Variants in NMBR observed in about 807,000 individuals in gnomAD.
NMBR encodes neuromedin B receptor.
NMBR carries 16 observed loss-of-function variants against 20.5 expected under a neutral mutation model. That is an observed-to-expected ratio of 0.78 (90% CI 0.53 to 1.19). NMBR has a LOEUF of 1.19. NMBR is among the 50% of genes most tolerant of loss of function. The pLI, the probability that NMBR is intolerant of heterozygous loss-of-function variation, is 0.00. For synonymous variants in NMBR, 212 were observed against 196.6 expected (o/e 1.08, Z -0.65); for missense variants, 582 against 499.1 (o/e 1.17, Z -1.58).
At chr6:142,145,394 A>C (rs190246716) in intron 1 of NMBR, among the ~76,000 whole-genome samples, 3 of 152,350 alleles carry the variant, frequency 2.0e-5, no homozygotes, top group African/African-American at 7.2e-5. Context: ...CTCTGAAACC[A>C]AAATACCTAG....
chr6:142,084,171 G>C (rs917978247), intron 2 of NMBR, among the ~76,000 whole-genome samples: 2 of 152,222 alleles, frequency 1.3e-5, no homozygotes, highest in Admixed American at 1.3e-4. Flanking sequence ...GAAGCCTAGT[G>C]AGTGTTAGAC....
chr6:142,104,435 T>A (rs1777620918), intron 1 of NMBR, among the ~76,000 whole-genome samples: 1 of 152,208 alleles, frequency 6.6e-6, no homozygotes, highest in African/African-American at 2.4e-5. Flanking sequence ...CGCCTTTGGA[T>A]GCTTTAGGGG....
At chr6:142,142,943 G>C (rs1362991346) in intron 1 of NMBR, among the ~76,000 whole-genome samples, 2 of 152,046 alleles carry the variant, frequency 1.3e-5, no homozygotes, top group African/African-American at 4.8e-5. Context: ...AAATTAGCCA[G>C]GCATGGTGGT....
At chr6:142,094,648 C>T (rs1416553374) in intron 1 of NMBR, among the ~76,000 whole-genome samples, 1 of 151,996 alleles carries the variant, frequency 6.6e-6, no homozygotes, top group Non-Finnish European at 1.5e-5. Flanking sequence ...TTTTTTGGTT[C>T]CATATGAACT....
chr6:142,130,284 A>T (rs1778116425), intron 1 of NMBR, among the ~76,000 whole-genome samples: 1 of 152,140 alleles, frequency 6.6e-6, no homozygotes, highest in Non-Finnish European at 1.5e-5. Flanking sequence ...AAATATAGAG[A>T]GGTCAGGACT....
At chr6:142,116,061 C>T (rs1777847511) in intron 1 of NMBR, among the ~76,000 whole-genome samples, 1 of 151,864 alleles carries the variant, frequency 6.6e-6, no homozygotes, top group African/African-American at 2.4e-5. Context: ...CACAAGCTCT[C>T]TTTTTTTACC....
At chr6:142,095,582 G>A (rs1777433888) in intron 1 of NMBR, among the ~76,000 whole-genome samples, 1 of 152,114 alleles carries the variant, frequency 6.6e-6, no homozygotes, top group African/African-American at 2.4e-5. Context: ...TTTTTGCATT[G>A]ATGTTCCTCA....
rs180771960 is a variant in NMBR, at chr6:142,137,452, T to C, written c.-664+9592A>G. 2.3e-3 allele frequency among the ~76,000 whole-genome samples: 343 copies of C among 152,328 alleles called. 8 individuals carry two copies. Among genetic ancestry groups the C allele is most frequent in the Admixed American group, 0.022 (342 of 15,298 alleles). The stretch of plus-strand genomic sequence containing the variant: ...CATGTAATCTGCAAAAAGGGACAAT[T>C]TGACTTCCTCTTTTCCTAATTGAAT... On this transcript the variant is annotated intron_variant, in intron 1 of 3. Coordinates refer to ENST00000258042, the MANE Select transcript of NMBR (RefSeq NM_002511.4).
At chr6:142,108,908 A>T (rs1582850876) in intron 1 of NMBR, among the ~76,000 whole-genome samples, 1 of 152,176 alleles carries the variant, frequency 6.6e-6, no homozygotes, top group East Asian at 1.9e-4. Flanking sequence ...GTAAAATCAA[A>T]AGCAAGTTAC....
Position 142,075,837 on chromosome 6 carries a change from A to C in NMBR, c.984T>G (p.Ser328Arg). 3 of 1,614,050 alleles carry C rather than the reference A, an allele frequency of 1.9e-6. No individual in the cohort carries two copies. Among genetic ancestry groups the C allele is most frequent in the Non-Finnish European group, 2.5e-6 (3 of 1,179,960 alleles). ...CVNPFALYLL[S>R]ESFRRHFNSQ... ...TGTTGAAATGCCTCCTGAAGCTTTCACTGAGTAGGTAAAGAGCAAATGGGT... is the reference window on the plus strand; with the variant it reads ...TGTTGAAATGCCTCCTGAAGCTTTCCCTGAGTAGGTAAAGAGCAAATGGGT... Residue 328 changes from serine (S) to arginine (R), a missense_variant, in exon 4 of 4, where the codon AGT becomes AGG. Ser to Arg is a moderately radical substitution (Grantham distance 110, BLOSUM62 -1). Coordinates refer to ENST00000258042, the MANE Select transcript of NMBR (RefSeq NM_002511.4).
rs774318101 is a variant in NMBR, at chr6:142,088,798, A to G, written c.-140T>C. The G allele has an allele frequency of 4.4e-5, 32 of 725,892 alleles. No individual in the cohort carries two copies. The highest frequency in any genetic ancestry group is 7.1e-5 in the Non-Finnish European group (32 of 450,008). 45.0% of individuals were successfully genotyped at this position (725,892 alleles called of 1,614,324 possible). On this transcript the variant is annotated 5_prime_UTR_variant, in exon 2 of 4. Transcript: ENST00000258042. ...CTGTCCGCGGGGCAAGCCTCACAGC[A>G]CCACGTCCCTAAGAGTTCAGGACCT... is the stretch of plus-strand genomic sequence containing the variant.
chr6:142,128,176 C>T (rs1444344836), intron 1 of NMBR, among the ~76,000 whole-genome samples: 2 of 152,010 alleles, frequency 1.3e-5, no homozygotes, highest in Non-Finnish European at 2.9e-5. Context: ...CTCTCTTCCT[C>T]CTACTCTGGC....
Position 142,075,956 on chromosome 6 carries a change from G to T in NMBR, c.865C>A (p.Arg289=), listed in dbSNP as rs376623534. The part of the protein sequence containing the change: ...WFPNHILYMY[R]SFNYNEIDPS... ...TCAATCTCATTATAGTTGAAAGACCGATACATGTAAAGGATGTGGTTTGGA... is the reference window on the plus strand; with the variant it reads ...TCAATCTCATTATAGTTGAAAGACCTATACATGTAAAGGATGTGGTTTGGA... Residue 289 remains arginine (R), a synonymous_variant, in exon 4 of 4, where the codon CGG becomes AGG. Coordinates refer to ENST00000258042, the MANE Select transcript of NMBR (RefSeq NM_002511.4). 13 of 1,613,830 alleles carry T rather than the reference G, an allele frequency of 8.1e-6. No homozygotes were observed. The South Asian group carries it at 1.2e-4, about 15-fold the overall frequency.
At chr6:142,114,837 T>G (rs2114592703) in intron 1 of NMBR, among the ~76,000 whole-genome samples, 1 of 152,238 alleles carries the variant, frequency 6.6e-6, no homozygotes, top group South Asian at 2.1e-4. Flanking sequence ...TCATTATCTC[T>G]TATCATATTC....
Position 142,107,491 on chromosome 6 carries a change from G to A in NMBR, c.-663-18170C>T, listed in dbSNP as rs535398993. ...TGCTAAAACCACTTCATCCCAGGGT[G>A]ATGATGCACATACTCAAGGCTTCAC... On this transcript the variant is annotated intron_variant, in intron 1 of 3. Coordinates refer to ENST00000258042, the MANE Select transcript of NMBR (RefSeq NM_002511.4). Among the ~76,000 whole-genome samples, 467 of 152,274 alleles carry A rather than the reference G, an allele frequency of 3.1e-3. 1 individual carries two copies. Among genetic ancestry groups the A allele is most frequent in the African/African-American group, 0.011 (452 of 41,578 alleles).
At chr6:142,121,518 A>AAACAATGC (rs1161370768) in intron 1 of NMBR, among the ~76,000 whole-genome samples, 1 of 151,984 alleles carries the variant, frequency 6.6e-6, no homozygotes, top group Non-Finnish European at 1.5e-5. Context: ...GATAAGAAAG[A>AAACAATGC]AACAATGCCT....
intron 1 of NMBR, among the ~76,000 whole-genome samples, chr6:142,121,444 C>G (rs898906386): frequency 1.3e-5 from 2 of 151,860 alleles, no homozygotes; most frequent in African/African-American, 4.8e-5. Context: ...GTTAGCCAAG[C>G]TGTGAATGTA....
chr6:142,111,440 G>T (rs935805835), intron 1 of NMBR, among the ~76,000 whole-genome samples: 1 of 152,076 alleles, frequency 6.6e-6, no homozygotes, highest in African/African-American at 2.4e-5. Flanking sequence ...AGTGAGAAAA[G>T]TTGCTTTGGT....
intron 2 of NMBR, among the ~76,000 whole-genome samples, chr6:142,081,183 C>T (rs1407838378): frequency 1.3e-5 from 2 of 152,056 alleles, no homozygotes; most frequent in Non-Finnish European, 1.5e-5. Flanking sequence ...GTATGAATCC[C>T]ATTCATGTGG....
Sources: gnomAD v4.1 joint callset for allele counts (sites outside exome capture counted in the v4.1 genomes callset) on GRCh38, gnomAD v4.1.1 for gene constraint, MANE v1.5 for transcripts, NCBI Gene and HGNC (gene_info 2026-07-23, HGNC 2026-07-21) for gene names.